Variants in EDDM13 observed in about 807,000 individuals in gnomAD.
EDDM13 encodes the protein epididymal protein 13.
A neutral mutation model predicts 17.8 loss-of-function variants in EDDM13; 24 were observed. The ratio of observed to expected loss-of-function variants is 1.35; its 90% confidence interval spans 0.98 to 1.90. EDDM13 has a LOEUF of 1.90. Among genes scored for constraint, EDDM13 ranks in the 40% most tolerant of loss-of-function variants. EDDM13 has a pLI of 0.00. For missense variants in EDDM13, 97 were observed against 100.8 expected (o/e 0.96, Z 0.16); for synonymous variants, 31 against 37.5 (o/e 0.83, Z 0.63).
intron 2 of EDDM13, among the ~76,000 whole-genome samples, chr19:56,279,299 C>T (rs1404072720): frequency 1.3e-5 from 2 of 151,998 alleles, no homozygotes; most frequent in Admixed American, 1.3e-4. Flanking sequence ...TCCACCCCTA[C>T]TAGACTGCAA....
At chr19:56,309,504 A>G (rs960197876) in intron 14 of EDDM13, among the ~76,000 whole-genome samples, 1 of 152,248 alleles carries the variant, frequency 6.6e-6, no homozygotes, top group Non-Finnish European at 1.5e-5. Context: ...AAACTTTATT[A>G]AAAGGGATGC....
intron 13 of EDDM13, among the ~76,000 whole-genome samples, chr19:56,304,562 T>C (rs1487205240): frequency 1.5e-4 from 23 of 152,042 alleles, no homozygotes; most frequent in Non-Finnish European, 1.6e-4. Flanking sequence ...TTGTGCTGCT[T>C]ATGGGGATGA....
At chr19:56,274,033 A>G (rs999661740) in intron 1 of EDDM13, among the ~76,000 whole-genome samples, 1 of 152,220 alleles carries the variant, frequency 6.6e-6, no homozygotes, top group Non-Finnish European at 1.5e-5. Flanking sequence ...CTGAGGAAAC[A>G]GCTCACAGGA....
chr19:56,286,445 C>T (rs572414686), intron 6 of EDDM13: 1 of 152,010 alleles, frequency 6.6e-6, no homozygotes, highest in East Asian at 1.9e-4. Flanking sequence ...CCACACCTCC[C>T]ATTCTTCAAA....
chr19:56,283,400 A>C (rs561373309), intron 4 of EDDM13: 1 of 152,170 alleles, frequency 6.6e-6, no homozygotes, highest in African/African-American at 2.4e-5. Context: ...CAATATCTCC[A>C]TTTTAAAGAG....
intron 1 of EDDM13, among the ~76,000 whole-genome samples, 188 bp downstream of exon 1, chr19:56,273,107 T>C (rs2037973234): frequency 6.6e-6 from 1 of 152,162 alleles, no homozygotes; most frequent in Admixed American, 6.5e-5. Flanking sequence ...CCCCTGCCCT[T>C]GGAGATACAC....
At chr19:56,283,744 C>A (rs1476371874) in intron 4 of EDDM13, 1 of 151,928 alleles carries the variant, frequency 6.6e-6, no homozygotes, top group Non-Finnish European at 1.5e-5. Context: ...CTCTGCAAAT[C>A]ACGTAATTCC....
intron 2 of EDDM13, among the ~76,000 whole-genome samples, chr19:56,278,816 C>T (rs1171562951): frequency 6.6e-6 from 1 of 152,116 alleles, no homozygotes; most frequent in African/African-American, 2.4e-5. Flanking sequence ...AGCTGGAGTA[C>T]CTGGAGTTCT....
At chr19:56,281,011 A>G (rs1433852268) in intron 2 of EDDM13, among the ~76,000 whole-genome samples, 2 of 152,234 alleles carry the variant, frequency 1.3e-5, no homozygotes, top group African/African-American at 4.8e-5. Context: ...TTAACTACGA[A>G]TAGCCTACTG....
intron 14 of EDDM13, among the ~76,000 whole-genome samples, chr19:56,306,050 G>T (rs1446010058): frequency 6.6e-6 from 1 of 152,116 alleles, no homozygotes. Context: ...AGACCTGGAA[G>T]ATTAGAGCAA....
chr19:56,296,610 CTG>C (rs2039893697), intron 11 of EDDM13, among the ~76,000 whole-genome samples: 1 of 152,082 alleles, frequency 6.6e-6, no homozygotes, highest in South Asian at 2.1e-4. Context: ...AGACAGAAGT[CTG>C]TGACCAAGTG....
At chr19:56,291,355 G>A (rs775171530) in intron 9 of EDDM13, among the ~76,000 whole-genome samples, 2 of 152,176 alleles carry the variant, frequency 1.3e-5, no homozygotes, top group Non-Finnish European at 2.9e-5. Flanking sequence ...TGGGGCTTCT[G>A]TCCACCTGGA....
At chr19:56,307,788 A>G (rs1600252498) in intron 14 of EDDM13, among the ~76,000 whole-genome samples, 1 of 152,226 alleles carries the variant, frequency 6.6e-6, no homozygotes, top group African/African-American at 2.4e-5. Flanking sequence ...TCCATGTGCT[A>G]TATTTTGGGT....
chr19:56,302,537 T>C (rs2040348676), intron 13 of EDDM13, among the ~76,000 whole-genome samples: 4 of 49,278 alleles, frequency 8.1e-5, no homozygotes, highest in East Asian at 4.2e-4. Flanking sequence ...TCCCTCTTCT[T>C]CCTCCCCGTT....
intron 4 of EDDM13, among the ~76,000 whole-genome samples, chr19:56,282,776 A>G (rs2038811686): frequency 1.3e-5 from 2 of 152,212 alleles, no homozygotes; most frequent in Middle Eastern, 3.2e-3. Flanking sequence ...TAGGTCTGAG[A>G]GCTCAATTCA....
At chr19:56,306,076 C>A (rs866305127) in intron 14 of EDDM13, among the ~76,000 whole-genome samples, 37 of 152,248 alleles carry the variant, frequency 2.4e-4, no homozygotes, top group African/African-American at 8.2e-4. Flanking sequence ...TTAGACCCAA[C>A]CTTCAGAGCC....
Position 56,272,795 on chromosome 19 carries a change from T to A in EDDM13, c.-40T>A, listed in dbSNP as rs1326213865. On this transcript the variant is annotated 5_prime_UTR_variant, in exon 1 of 15. Transcript: ENST00000649256. ...GTGGGTGACCAGAGAGTCCTGTCTA[T>A]CCTAGGAGGAGAACATTCAGCCCAA... is the stretch of plus-strand genomic sequence containing the variant. 1 of 864,336 alleles carries A rather than the reference T, an allele frequency of 1.2e-6. No individual in the cohort carries two copies. The highest frequency in any genetic ancestry group is 1.4e-6 in the Non-Finnish European group (1 of 719,698). 53.5% of individuals were successfully genotyped at this position (864,336 alleles called of 1,614,324 possible).
intron 1 of EDDM13, among the ~76,000 whole-genome samples, chr19:56,274,011 G>C (rs867867710): frequency 1.4e-4 from 22 of 152,130 alleles, no homozygotes; most frequent in African/African-American, 4.6e-4. Flanking sequence ...ATAAGTAGAA[G>C]GTTACGAGGC....
At chr19:56,294,787 G>C (rs1051649187) in intron 9 of EDDM13, among the ~76,000 whole-genome samples, 1 of 152,188 alleles carries the variant, frequency 6.6e-6, no homozygotes, top group Admixed American at 6.5e-5. Flanking sequence ...TCATACAATG[G>C]AATGTTATTC....
Sources: allele counts gnomAD v4.1 joint callset (sites outside exome capture counted in the v4.1 genomes callset), GRCh38; gene constraint gnomAD v4.1.1; transcripts MANE v1.5; gene names NCBI Gene and HGNC (gene_info 2026-07-23, HGNC 2026-07-21).